A1CF: variants seen among roughly 807,000 people sequenced by gnomAD.
The protein encoded by A1CF is APOBEC-1 stimulating protein.
Under a neutral mutation model 68.9 loss-of-function variants are expected in A1CF, and 48 were observed. The observed-to-expected ratio is 0.70, with a 90% CI of 0.55 to 0.89. The LOEUF (loss-of-function observed/expected upper bound fraction) is 0.89. Among genes scored for constraint, A1CF ranks in the 40% least tolerant of loss-of-function variants. A1CF has a pLI of 0.00. For synonymous variants in A1CF, 272 were observed against 260.4 expected, an observed-to-expected ratio of 1.04 and a Z score of -0.43; for missense variants, 653 against 718.9, an observed-to-expected ratio of 0.91 and a Z score of 1.05.
chr10:50,859,420 G>T (rs1052817976), intron 3 of A1CF, among the ~76,000 whole-genome samples: 3 of 152,168 alleles, frequency 2.0e-5, no homozygotes, highest in African/African-American at 7.2e-5. Context: ...GCAGCAGCTA[G>T]ACACAAAAAG....
Position 50,809,909 on chromosome 10 carries a change from C to A in A1CF, c.1594G>T (p.Ala532Ser). The change falls in exon 12 of 13, where the codon GCT (alanine) becomes TCT (serine). Residue 532 changes from alanine (A) to serine (S), a missense_variant. Coordinates refer to ENST00000373997, the MANE Select transcript of A1CF (RefSeq NM_014576.4). ...DGTMATAAAA[A>S]TAFPGYAVPN... ...TTTCCCATACCTGGGAAAGCAGTAGCAGCAGCAGCAGCAGTAGCCATGGTG... is the reference window on the plus strand; with the variant it reads ...TTTCCCATACCTGGGAAAGCAGTAGAAGCAGCAGCAGCAGTAGCCATGGTG... 1 of 1,514,442 alleles carries A rather than the reference C, an allele frequency of 6.6e-7. No individual in the cohort carries two copies. Among genetic ancestry groups the A allele is most frequent in the Non-Finnish European group, 9.1e-7 (1 of 1,093,994 alleles). The allele number at this position is 1,514,442 out of a possible 1,614,324, so 93.8% of individuals were successfully genotyped here.
At chr10:50,820,310 T>C (rs1468686191) in intron 8 of A1CF, among the ~76,000 whole-genome samples, 1 of 152,184 alleles carries the variant, frequency 6.6e-6, no homozygotes, top group East Asian at 1.9e-4. Flanking sequence ...TCCATGGAAA[T>C]TGAGGGCCAG....
At chr10:50,828,366 T>G in intron 6 of A1CF, 71 bp from the exon 7 acceptor site, 2 of 1,288,644 alleles carry the variant, frequency 1.6e-6, no homozygotes, top group Non-Finnish European at 2.1e-6. Flanking sequence ...TTTATACCAA[T>G]GGTCTTTTAA....
At chr10:50,820,470 C>A (rs780326879) in intron 8 of A1CF, 82 bp downstream of exon 8, 561 of 1,196,068 alleles carry the variant, frequency 4.7e-4, no homozygotes, top group Non-Finnish European at 6.2e-4. Flanking sequence ...GTGAGACAGG[C>A]TTGCAGGACT....
At chr10:50,832,878 T>A (rs1346075865) in intron 6 of A1CF, among the ~76,000 whole-genome samples, 1 of 151,932 alleles carries the variant, frequency 6.6e-6, no homozygotes, top group Non-Finnish European at 1.5e-5. Context: ...TTTTTTTTTT[T>A]ATTTTTAGAA....
At chr10:50,881,939 C>T (rs908343881) in intron 1 of A1CF, among the ~76,000 whole-genome samples, 1 of 152,046 alleles carries the variant, frequency 6.6e-6, no homozygotes, top group African/African-American at 2.4e-5. Flanking sequence ...CATAAAACTC[C>T]ACATATAAAT....
At chr10:50,849,348 C>T (rs1840132645) in intron 3 of A1CF, among the ~76,000 whole-genome samples, 1 of 152,138 alleles carries the variant, frequency 6.6e-6, no homozygotes, top group South Asian at 2.1e-4. Context: ...ATTTATTTGG[C>T]TTAATATACT....
chr10:50,815,964 AAATCTTGG>A (rs1404711796), intron 9 of A1CF, 34 bp downstream of exon 9: 1 of 1,597,246 alleles, frequency 6.3e-7, no homozygotes, highest in Non-Finnish European at 8.6e-7. Flanking sequence ...GAGTCATTTG[AAATCTTGG>A]GATTACTCTA....
intron 12 of A1CF, among the ~76,000 whole-genome samples, chr10:50,808,198 T>C (rs1013991026): frequency 2.0e-5 from 3 of 152,218 alleles, no homozygotes; most frequent in Non-Finnish European, 4.4e-5. Flanking sequence ...CCAGGGTGTT[T>C]GGGTTTCAAA....
chr10:50,848,455 G>A (rs970456490), intron 3 of A1CF, among the ~76,000 whole-genome samples: 1 of 152,134 alleles, frequency 6.6e-6, no homozygotes, highest in African/African-American at 2.4e-5. Context: ...CTCATGTTGT[G>A]TGTTACATTT....
rs575305180 is a variant in A1CF at position 50,833,524 on chromosome 10, GT to G, written c.604+2549del. Among the ~76,000 whole-genome samples, 1,075 of 152,332 alleles carry G rather than the reference GT, an allele frequency of 7.1e-3. 3 individuals carry two copies. Among genetic ancestry groups the G allele is most frequent in the Non-Finnish European group, 0.011 (782 of 68,028 alleles). ...CTGCCACTGTTTAGAGAGGAGGTAA[GT>G]GACTGAGGAGCAGTTACATCCCTTT... On this transcript the variant is annotated intron_variant, in intron 6 of 12. Transcript: ENST00000373997.
intron 6 of A1CF, among the ~76,000 whole-genome samples, chr10:50,830,937 G>C (rs943905612): frequency 1.3e-5 from 2 of 152,024 alleles, no homozygotes; most frequent in African/African-American, 4.8e-5. Flanking sequence ...AAACAAAATA[G>C]AGTCCAGAAG....
chr10:50,853,083 G>A (rs1840323495), intron 3 of A1CF, among the ~76,000 whole-genome samples: 1 of 152,048 alleles, frequency 6.6e-6, no homozygotes, highest in African/African-American at 2.4e-5. Flanking sequence ...GCATATAAAG[G>A]AAAGTGTGAG....
intron 7 of A1CF, among the ~76,000 whole-genome samples, chr10:50,821,897 G>T (rs1186224658): frequency 6.6e-6 from 1 of 152,080 alleles, no homozygotes; most frequent in Non-Finnish European, 1.5e-5. Context: ...TACAGCATTT[G>T]TGTTTTTAAT....
At chr10:50,840,820 C>G (rs1405163646) in intron 5 of A1CF, among the ~76,000 whole-genome samples, 1 of 152,178 alleles carries the variant, frequency 6.6e-6, no homozygotes, top group African/African-American at 2.4e-5. Context: ...AAGGTCCTTC[C>G]TCTGCTGTTC....
rs149935958 is a variant in A1CF at position 50,818,612 on chromosome 10, C to A, written c.867+1940G>T. On this transcript the variant is annotated intron_variant, in intron 8 of 12. Coordinates refer to ENST00000373997, the MANE Select transcript of A1CF (RefSeq NM_014576.4). ...TTCCATATAGAGAAAATCTAACTTA[C>A]AAATTGTTTTCCAAGTAATAACACT... 8.5e-5 allele frequency among the ~76,000 whole-genome samples: 13 copies of A among 152,262 alleles called. No homozygotes were observed. In the East Asian group the frequency reaches 2.3e-3, roughly 27 times the overall value.
intron 1 of A1CF, among the ~76,000 whole-genome samples, chr10:50,881,870 T>G (rs1318503973): frequency 1.3e-5 from 2 of 152,234 alleles, no homozygotes; most frequent in African/African-American, 2.4e-5. Context: ...CAGGGACCAA[T>G]TCCTATTGAA....
chr10:50,812,033 C>T (rs1343071773), intron 10 of A1CF, among the ~76,000 whole-genome samples: 1 of 152,182 alleles, frequency 6.6e-6, no homozygotes, highest in Non-Finnish European at 1.5e-5. Context: ...CTAACTAACC[C>T]AGCTGCAATA....
In A1CF at chr10:50,820,933, T is replaced by C. The variant is rs7099856; in HGVS notation, c.770-284A>G. Among the ~76,000 whole-genome samples the C allele has an allele frequency of 9.5e-3, 1,442 of 152,290 alleles. 31 individuals carry two copies. The highest frequency in any genetic ancestry group is 0.033 in the African/African-American group (1,368 of 41,562). On this transcript the variant is annotated intron_variant, in intron 7 of 12. Transcript: ENST00000373997. ...CCATCTTCTTTTGCATTTTATGTAA[T>C]GTAAAAGATAGTACATTTTGCATGG...
Sources: allele counts gnomAD v4.1 joint callset (sites outside exome capture counted in the v4.1 genomes callset), GRCh38; gene constraint gnomAD v4.1.1; transcripts MANE v1.5; gene names NCBI Gene and HGNC (gene_info 2026-07-23, HGNC 2026-07-21).